Variants in EFL1 observed in about 807,000 individuals in gnomAD.
EFL1 encodes elongation factor-like GTPase 1.
EFL1 carries 76 observed loss-of-function variants against 126.7 expected under a neutral mutation model. The observed-to-expected ratio is 0.60, with a 90% CI of 0.50 to 0.73. EFL1 has a LOEUF of 0.73. Ranked by LOEUF, EFL1 falls within the 30% of genes least tolerant of loss-of-function variation. The pLI, the probability that EFL1 is intolerant of heterozygous loss-of-function variation, is 0.00. For missense variants in EFL1, 1,128 were observed against 1,343.2 expected, an observed-to-expected ratio of 0.84 and a Z score of 2.50; for synonymous variants, 410 against 448.4, an observed-to-expected ratio of 0.91 and a Z score of 1.08.
intron 3 of EFL1, among the ~76,000 whole-genome samples, chr15:82,254,763 C>G (rs1377028231): frequency 1.3e-5 from 2 of 152,022 alleles, no homozygotes; most frequent in Non-Finnish European, 2.9e-5. Flanking sequence ...TCTACCAGAC[C>G]CATTCGTCCA....
At chr15:82,180,322 A>G (rs2141258913) in intron 15 of EFL1, among the ~76,000 whole-genome samples, 1 of 146,624 alleles carries the variant, frequency 6.8e-6, no homozygotes, top group African/African-American at 2.5e-5. Context: ...TGTGTTACAT[A>G]TTGGTTAAAA....
At chr15:82,138,870 AT>A (rs2073754599) in intron 18 of EFL1, 28 bp from the exon 19 acceptor site, 2 of 1,603,092 alleles carry the variant, frequency 1.2e-6, no homozygotes, top group African/African-American at 2.7e-5. Flanking sequence ...TTTTAAAATC[AT>A]GGATCAATCA....
At chr15:82,196,852 T>G (rs1404486756) in intron 15 of EFL1, among the ~76,000 whole-genome samples, 2 of 152,058 alleles carry the variant, frequency 1.3e-5, no homozygotes, top group African/African-American at 4.8e-5. Flanking sequence ...GCCAACATAG[T>G]GAAACCCTGT....
intron 15 of EFL1, among the ~76,000 whole-genome samples, chr15:82,199,050 T>G (rs1177196749): frequency 6.6e-6 from 1 of 152,074 alleles, no homozygotes; most frequent in Non-Finnish European, 1.5e-5. Context: ...AAAACCTGCT[T>G]TTTTTCTTTT....
At chr15:82,133,913 T>C (rs533265603) in intron 19 of EFL1, among the ~76,000 whole-genome samples, 24 of 151,868 alleles carry the variant, frequency 1.6e-4, no homozygotes, top group African/African-American at 2.7e-4. Flanking sequence ...GAGTCGGGGG[T>C]TGGCACTTCA....
At chr15:82,159,082 G>A (rs1438130630) in intron 16 of EFL1, among the ~76,000 whole-genome samples, 2 of 152,188 alleles carry the variant, frequency 1.3e-5, no homozygotes, top group East Asian at 1.9e-4. Context: ...AAGGGAAGAC[G>A]GAAAGTGGGA....
At chr15:82,138,952 T>C in intron 18 of EFL1, 110 bp from the exon 19 acceptor site, 1 of 1,034,292 alleles carries the variant, frequency 9.7e-7, no homozygotes, top group Admixed American at 2.8e-5. Context: ...TTAAATTTGT[T>C]CTCAATAATG....
chr15:82,251,848 T>G (rs1416451398), intron 4 of EFL1, among the ~76,000 whole-genome samples: 4 of 152,198 alleles, frequency 2.6e-5, no homozygotes, highest in African/African-American at 9.7e-5. Context: ...ATTACAAAAA[T>G]ATACATTTTG....
intron 3 of EFL1, among the ~76,000 whole-genome samples, chr15:82,252,998 G>A (rs1027977362): frequency 6.6e-6 from 1 of 151,394 alleles, no homozygotes; most frequent in African/African-American, 2.4e-5. Flanking sequence ...TTACAGGTGT[G>A]AACCATCATG....
chr15:82,162,320 AT>A (rs1012631445), intron 16 of EFL1, among the ~76,000 whole-genome samples: 5 of 152,170 alleles, frequency 3.3e-5, no homozygotes, highest in African/African-American at 1.2e-4. Context: ...GGCTTAAATT[AT>A]TTTTTCCTAT....
chr15:82,156,591 T>G (rs1440862270), intron 17 of EFL1, among the ~76,000 whole-genome samples: 1 of 150,712 alleles, frequency 6.6e-6, no homozygotes. Flanking sequence ...CCAGCAGCAG[T>G]TATTCTTATT....
At chr15:82,229,596 G>A (rs2074800034) in intron 8 of EFL1, among the ~76,000 whole-genome samples, 1 of 152,148 alleles carries the variant, frequency 6.6e-6, no homozygotes, top group South Asian at 2.1e-4. Context: ...GCACCTTGAG[G>A]GGTATACTCT....
At position 82,241,410 on chromosome 15, in the gene EFL1, T is replaced by C. The variant is rs2074930066; in HGVS notation, c.245-7A>G. ...ATCAGGTACTCCTCATTACCTAAAA[T>C]ACAATTTGTAAACACACATTTTCAG... On this transcript the variant is annotated splice_polypyrimidine_tract_variant and splice_region_variant and intron_variant, in intron 4 of 19. Transcript: ENST00000268206. The C allele has an allele frequency of 1.2e-6, 2 of 1,611,522 alleles. No homozygotes were observed. The highest frequency in any genetic ancestry group is 1.7e-6 in the Non-Finnish European group (2 of 1,178,460).
intron 8 of EFL1, among the ~76,000 whole-genome samples, chr15:82,230,465 G>A (rs1400261034): frequency 1.3e-5 from 2 of 152,040 alleles, no homozygotes; most frequent in African/African-American, 4.8e-5. Flanking sequence ...GGCCTCAGCT[G>A]ACACTAGAAA....
intron 15 of EFL1, among the ~76,000 whole-genome samples, chr15:82,164,701 T>C (rs890651073): frequency 1.3e-5 from 2 of 151,538 alleles, no homozygotes; most frequent in Non-Finnish European, 2.9e-5. Flanking sequence ...ATCGAGACTA[T>C]CCTGGCTAAC....
intron 19 of EFL1, among the ~76,000 whole-genome samples, chr15:82,131,539 T>A (rs1024186172): frequency 6.6e-6 from 1 of 152,164 alleles, no homozygotes; most frequent in Non-Finnish European, 1.5e-5. Context: ...TTTAAAATGT[T>A]CAAGTTTGGG....
Position 82,168,668 on chromosome 15 carries a change from A to G in EFL1, c.1751-4684T>C, listed in dbSNP as rs145726706. 5.3e-3 allele frequency among the ~76,000 whole-genome samples: 805 copies of G among 152,080 alleles called. 5 individuals carry two copies. Among genetic ancestry groups the G allele is most frequent in the African/African-American group, 0.018 (764 of 41,484 alleles). ...GTTGGGATTACAGGCACTTGCCACC[A>G]CGCCCGGCTAATTTTTTGTATTTTC... On this transcript the variant is annotated intron_variant, in intron 15 of 19. Transcript: ENST00000268206.
intron 12 of EFL1, among the ~76,000 whole-genome samples, chr15:82,221,961 T>C (rs1376251833): frequency 3.3e-5 from 5 of 152,254 alleles, no homozygotes; most frequent in Non-Finnish European, 7.3e-5. Context: ...CTGACCATTC[T>C]AGCCGTTCCT....
At chr15:82,208,730 T>C (rs1174635343) in intron 15 of EFL1, among the ~76,000 whole-genome samples, 1 of 152,034 alleles carries the variant, frequency 6.6e-6, no homozygotes, top group Non-Finnish European at 1.5e-5. Context: ...AAAAACTCTA[T>C]AACTTTGTCT....
Sources: gnomAD v4.1 joint callset for allele counts (sites outside exome capture counted in the v4.1 genomes callset) on GRCh38, gnomAD v4.1.1 for gene constraint, MANE v1.5 for transcripts, NCBI Gene and HGNC (gene_info 2026-07-23, HGNC 2026-07-21) for gene names.